EPHB1: variants seen among roughly 807,000 people sequenced by gnomAD.
EPHB1 encodes ephrin type-B receptor 1.
In EPHB1, 30 loss-of-function variants were observed where a neutral mutation model predicts 94.4. The observed-to-expected ratio is 0.32, with a 90% CI of 0.24 to 0.43. The LOEUF (loss-of-function observed/expected upper bound fraction) is 0.43. Among genes scored for constraint, EPHB1 ranks in the 20% least tolerant of loss-of-function variants. The pLI is 1.00. For synonymous variants in EPHB1, 522 were observed against 489.1 expected (o/e 1.07, Z -0.89); for missense variants, 1,055 against 1,308.3 (o/e 0.81, Z 2.99).
chr3:134,795,750 C>T (rs1388556147), intron 1 of EPHB1, 61 bp downstream of exon 1: 3 of 1,554,966 alleles, frequency 1.9e-6, no homozygotes, highest in Admixed American at 1.7e-5. Context: ...GACTGCTGTG[C>T]TCCGCGGTTC....
intron 1 of EPHB1, among the ~76,000 whole-genome samples, chr3:134,893,837 G>C (rs1289820909): frequency 6.6e-6 from 1 of 152,194 alleles, no homozygotes; most frequent in Non-Finnish European, 1.5e-5. Context: ...TGGGAGTTGG[G>C]GTCCTACCTA....
In EPHB1 at chr3:134,951,412, C is replaced by A. The variant is rs2107715288; in HGVS notation, c.165C>A (p.Ile55=). The A allele has an allele frequency of 6.3e-7, 1 of 1,596,274 alleles. No individual in the cohort carries two copies. The stretch of plus-strand genomic sequence containing the variant: ...GCTACGATGAAAACCTGAACACCAT[C>A]CGCACCTACCAGGTGTGCAATGTCT... ...VSGYDENLNT[I]RTYQVCNVFE... Residue 55 remains isoleucine (I), a synonymous_variant, in exon 3 of 16, where the codon ATC becomes ATA. Coordinates refer to ENST00000398015, the MANE Select transcript of EPHB1 (RefSeq NM_004441.5). This position sits in a 1 kb window ranked among gnomAD's most constrained non-coding sequence, Gnocchi z 4.5.
chr3:134,830,087 C>T (rs1003851720), intron 1 of EPHB1, among the ~76,000 whole-genome samples: 3 of 152,204 alleles, frequency 2.0e-5, no homozygotes, highest in Non-Finnish European at 4.4e-5. Flanking sequence ...GAAGCTAATA[C>T]AGCCCTTCAC....
intron 3 of EPHB1, among the ~76,000 whole-genome samples, chr3:135,031,962 C>T (rs931833562): frequency 1.3e-5 from 2 of 151,996 alleles, no homozygotes; most frequent in Non-Finnish European, 2.9e-5. Context: ...AAGCCAGTGA[C>T]ATTTCAATTT....
At chr3:135,199,217 A>T (rs908547016) in intron 11 of EPHB1, among the ~76,000 whole-genome samples, 2 of 152,190 alleles carry the variant, frequency 1.3e-5, no homozygotes, top group African/African-American at 2.4e-5. Flanking sequence ...GAAATAATAG[A>T]CTGAATTGAA....
chr3:135,027,956 A>G (rs2107758257), intron 3 of EPHB1, among the ~76,000 whole-genome samples: 1 of 142,440 alleles, frequency 7.0e-6, no homozygotes, highest in South Asian at 2.4e-4. Context: ...GTCTTGGGAG[A>G]GTGTATGTGT....
intron 12 of EPHB1, among the ~76,000 whole-genome samples, chr3:135,225,547 G>C (rs563272874): frequency 3.6e-4 from 55 of 152,248 alleles, no homozygotes; most frequent in African/African-American, 1.3e-3. Flanking sequence ...AATGAATTTG[G>C]AACCCTCTGA....
At chr3:135,184,735 T>TG (rs1942285702) in intron 10 of EPHB1, among the ~76,000 whole-genome samples, 1 of 152,206 alleles carries the variant, frequency 6.6e-6, no homozygotes, top group African/African-American at 2.4e-5. Context: ...GAAGGAAAGC[T>TG]GACTCTTCCT....
rs1379277361 is a variant in EPHB1, at chr3:134,951,617, A to C, written c.370A>C (p.Lys124Gln). Residue 124 changes from lysine (K) to glutamine (Q), a missense_variant, in exon 3 of 16, where the codon AAG becomes CAG. Coordinates refer to ENST00000398015, the MANE Select transcript of EPHB1 (RefSeq NM_004441.5). This position sits in a 1 kb window ranked among gnomAD's most constrained non-coding sequence, Gnocchi z 4.5. The stretch of plus-strand genomic sequence containing the variant: ...TGAGACTGACTCTGTCATTGCCACC[A>C]AGAAGTCAGCCTTCTGGTCTGAGGC... ...YYETDSVIAT[K>Q]KSAFWSEAPY... 1.2e-6 allele frequency: 2 copies of C among 1,613,984 alleles called. No individual in the cohort carries two copies. The highest frequency in any genetic ancestry group is 2.7e-5 in the African/African-American group (2 of 74,912).
chr3:134,844,176 A>G (rs748267608), intron 1 of EPHB1, among the ~76,000 whole-genome samples: 5 of 152,098 alleles, frequency 3.3e-5, no homozygotes, highest in Admixed American at 6.5e-5. Context: ...TTTTATTTTT[A>G]TGTCTTGCTT....
intron 1 of EPHB1, among the ~76,000 whole-genome samples, chr3:134,851,472 C>A (rs2036983225): frequency 6.6e-6 from 1 of 152,106 alleles, no homozygotes; most frequent in Non-Finnish European, 1.5e-5. Flanking sequence ...CCTTCCCCTG[C>A]AACTCCCCTT....
At position 134,884,144 on chromosome 3, in the gene EPHB1, C is replaced by G. The variant is rs1226016268; in HGVS notation, c.59-41672C>G. The stretch of plus-strand genomic sequence containing the variant: ...CTGTGACTATAGTCAGACTTCCAAG[C>G]CAGTGATGTCAAAATGTCCAAGCAG... On this transcript the variant is annotated intron_variant, in intron 1 of 15. Transcript: ENST00000398015. Among the ~76,000 whole-genome samples, 6 of 152,206 alleles carry G rather than the reference C, an allele frequency of 3.9e-5. No homozygotes were observed. The South Asian group carries it at 1.2e-3, about 31-fold the overall frequency.
intron 4 of EPHB1, among the ~76,000 whole-genome samples, chr3:135,131,202 G>A (rs1044630019): frequency 5.3e-5 from 8 of 152,168 alleles, no homozygotes; most frequent in Admixed American, 4.6e-4. Flanking sequence ...GTGCATGAAC[G>A]CTGTGCTTTA....
intron 3 of EPHB1, among the ~76,000 whole-genome samples, chr3:134,997,238 GGTCTGCT>G (rs1935025148): frequency 1.3e-5 from 2 of 152,064 alleles, no homozygotes; most frequent in Admixed American, 1.3e-4. Flanking sequence ...TCACTTCTCA[GGTCTGCT>G]GTCTCTCAGA....
chr3:134,865,070 GTGTGTGTGTGTGTGTGCA>G (rs1460045143), intron 1 of EPHB1, among the ~76,000 whole-genome samples: 1 of 124,126 alleles, frequency 8.1e-6, no homozygotes, highest in Non-Finnish European at 1.9e-5. Flanking sequence ...TAAAACATAC[GTGTGTGTGTGTGTGTGCA>G]TGTGTGTGTG....
At chr3:135,224,178 CTAAGA>C (rs1377246924) in intron 12 of EPHB1, among the ~76,000 whole-genome samples, 3 of 152,122 alleles carry the variant, frequency 2.0e-5, no homozygotes, top group Admixed American at 1.3e-4. Context: ...CACATACACT[CTAAGA>C]TATTTGCACA....
At chr3:134,913,502 G>A (rs1022849833) in intron 1 of EPHB1, among the ~76,000 whole-genome samples, 4 of 152,208 alleles carry the variant, frequency 2.6e-5, no homozygotes, top group Non-Finnish European at 5.9e-5. Context: ...AAAACTCAGA[G>A]GGATAATACA....
At chr3:134,975,424 G>A (rs1934147094) in intron 3 of EPHB1, among the ~76,000 whole-genome samples, 1 of 152,178 alleles carries the variant, frequency 6.6e-6, no homozygotes, top group African/African-American at 2.4e-5. Context: ...GTAAGAGAGT[G>A]AAGGGTAGGC....
chr3:135,053,015 G>A (rs28507916), intron 3 of EPHB1, among the ~76,000 whole-genome samples: 6,652 of 17,056 alleles, frequency 0.39, 836 homozygotes, highest in African/African-American at 0.53. Context: ...GTATATATAT[G>A]TGTGTGTGTG....
Sources: gnomAD v4.1 joint callset for allele counts (sites outside exome capture counted in the v4.1 genomes callset) on GRCh38, gnomAD v4.1.1 for gene constraint, Gnocchi (gnomAD v3.1) non-coding constraint, MANE v1.5 for transcripts, NCBI Gene and HGNC (gene_info 2026-07-23, HGNC 2026-07-21) for gene names.